The following CEP164 variants were observed in gnomAD, a reference collection of about 807,000 sequenced individuals.
CEP164 encodes the protein centrosomal protein of 164 kDa.
In CEP164, 162 loss-of-function variants were observed where a neutral mutation model predicts 182.7. The ratio of observed to expected loss-of-function variants is 0.89; its 90% CI spans 0.78 to 1.01. The LOEUF is 1.01. Among genes scored for constraint, CEP164 ranks in the 50% least tolerant of loss-of-function variants. The pLI is 0.00. For missense variants in CEP164, 1,735 were observed against 1,790.4 expected, an observed-to-expected ratio of 0.97 and a Z score of 0.56; for synonymous variants, 661 against 690.0, an observed-to-expected ratio of 0.96 and a Z score of 0.66.
intron 1 of CEP164, among the ~76,000 whole-genome samples, chr11:117,330,094 G>A (rs576854917): frequency 5.9e-5 from 9 of 151,814 alleles, no homozygotes; most frequent in Admixed American, 5.3e-4. Flanking sequence ...CCCTTACTCC[G>A]CTTATCCTGG....
At chr11:117,345,311 C>T (rs2038724997) in intron 4 of CEP164, among the ~76,000 whole-genome samples, 1 of 152,156 alleles carries the variant, frequency 6.6e-6, no homozygotes, top group African/African-American at 2.4e-5. Flanking sequence ...CTGAGGACTG[C>T]AGTGCTCCCT....
intron 4 of CEP164, among the ~76,000 whole-genome samples, chr11:117,349,836 A>G (rs1187491788): frequency 6.6e-6 from 1 of 152,138 alleles, no homozygotes; most frequent in African/African-American, 2.4e-5. Flanking sequence ...GGTCAATGAC[A>G]CAATCTCGGC....
chr11:117,342,497 A>G (rs908634180), intron 3 of CEP164, among the ~76,000 whole-genome samples: 1 of 150,092 alleles, frequency 6.7e-6, no homozygotes, highest in African/African-American at 2.5e-5. Context: ...TTTTTTTTGG[A>G]CAGGATTTCA....
chr11:117,338,630 A>G lies in CEP164; in HGVS notation c.44A>G (p.Glu15Gly), dbSNP rs770200962. The change falls in exon 3 of 33, where the codon GAA becomes GGA. Residue 15 changes from glutamate (E) to glycine (G), a missense_variant. Physicochemically the swap from Glu to Gly is moderately conservative, Grantham distance 98. Coordinates refer to ENST00000278935, the MANE Select transcript of CEP164 (RefSeq NM_014956.5). The stretch of plus-strand genomic sequence containing the variant: ...CGCATAGGAGATCAGCTGGTTCTGG[A>G]AGAAGATTATGATGAGACCTACATT... ...PLRIGDQLVL[E>G]EDYDETYIPS... 1 of 1,614,090 alleles carries G rather than the reference A, an allele frequency of 6.2e-7. No homozygotes were observed. The highest frequency in any genetic ancestry group is 1.7e-5 in the Admixed American group (1 of 60,008).
At position 117,394,339 on chromosome 11, in the gene CEP164, C is replaced by G. The variant is rs1272884511; in HGVS notation, c.2617-11C>G. 1 of 1,587,480 alleles carries G rather than the reference C, an allele frequency of 6.3e-7. No homozygotes were observed. The highest frequency in any genetic ancestry group is 1.3e-5 in the African/African-American group (1 of 74,732). On this transcript the variant is annotated splice_polypyrimidine_tract_variant and intron_variant, in intron 20 of 32. Coordinates refer to ENST00000278935, the MANE Select transcript of CEP164 (RefSeq NM_014956.5). This position sits in a 1 kb window ranked among gnomAD's most constrained non-coding sequence, Gnocchi z 4.0. ...CGCAGCTTCCCACCGGTGGGCCCAC[C>G]CTCCTTGCAGGAGAGGAAGCAGCGG...
intron 14 of CEP164, among the ~76,000 whole-genome samples, chr11:117,383,643 A>C (rs1008527852): frequency 2.0e-5 from 3 of 152,040 alleles, no homozygotes; most frequent in African/African-American, 7.3e-5. Flanking sequence ...TTCCATTCTT[A>C]CCCTTCCCCT....
intron 9 of CEP164, among the ~76,000 whole-genome samples, chr11:117,371,669 AAGCTGC>A (rs1332725622): frequency 4.6e-5 from 7 of 152,172 alleles, no homozygotes; most frequent in African/African-American, 1.4e-4. Context: ...ATCCGGAATG[AAGCTGC>A]AGACCTGCTG....
intron 23 of CEP164, 112 bp from the exon 24 acceptor site, chr11:117,395,435 G>C (rs2045308373): frequency 1.6e-6 from 2 of 1,258,248 alleles, no homozygotes; most frequent in Non-Finnish European, 2.2e-6. Flanking sequence ...CAGTGGCTCT[G>C]AATTCATTCC....
At chr11:117,327,472 T>A (rs1326005035), upstream of CEP164, among the ~76,000 whole-genome samples, 2 of 150,612 alleles carry the variant, frequency 1.3e-5, no homozygotes, top group African/African-American at 2.4e-5. Context: ...TTTTTTTTTT[T>A]TTTTTTTTTA....
intron 9 of CEP164, among the ~76,000 whole-genome samples, chr11:117,372,891 C>A (rs2042361896): frequency 6.6e-6 from 1 of 152,198 alleles, no homozygotes; most frequent in African/African-American, 2.4e-5. Flanking sequence ...GAAGACCCTT[C>A]TCGTCCATTT....
intron 27 of CEP164, among the ~76,000 whole-genome samples, chr11:117,403,053 T>A (rs963176752): frequency 6.6e-6 from 1 of 152,262 alleles, no homozygotes; most frequent in Admixed American, 6.5e-5. Flanking sequence ...ATTTTGAGCC[T>A]ATGTGTGTCT....
intron 12 of CEP164, 50 bp from the exon 13 acceptor site, chr11:117,381,651 G>A (rs750547238): frequency 6.4e-6 from 10 of 1,565,810 alleles, no homozygotes; most frequent in African/African-American, 4.1e-5. Context: ...TTCTCTTCCC[G>A]CTCTCCAAAT....
At chr11:117,353,917 C>T (rs1335803586) in intron 5 of CEP164, among the ~76,000 whole-genome samples, 1 of 152,136 alleles carries the variant, frequency 6.6e-6, no homozygotes, top group Non-Finnish European at 1.5e-5. Context: ...GTTTTCAAGT[C>T]TCGGGTCATT....
chr11:117,381,453 G>A (rs2043304957), intron 12 of CEP164, among the ~76,000 whole-genome samples: 1 of 152,118 alleles, frequency 6.6e-6, no homozygotes, highest in South Asian at 2.1e-4. Context: ...CCAAGCAGAG[G>A]CAGTATAGGG....
chr11:117,370,717 C>G (rs1248134636), intron 8 of CEP164, among the ~76,000 whole-genome samples: 1 of 152,068 alleles, frequency 6.6e-6, no homozygotes, highest in African/African-American at 2.4e-5. Flanking sequence ...TTGAGACCAG[C>G]CTGGCCAACA....
Position 117,409,905 on chromosome 11 carries a change from T to A in CEP164, c.4036T>A (p.Ser1346Thr), listed in dbSNP as rs774024619. Residue 1346 changes from serine (S) to threonine (T), a missense_variant, in exon 30 of 33, where the codon TCC becomes ACC. Physicochemically the swap from Ser to Thr is moderately conservative, Grantham distance 58 (BLOSUM62 1). Coordinates refer to ENST00000278935, the MANE Select transcript of CEP164 (RefSeq NM_014956.5). The surrounding 1 kb of genome is among the most constrained non-coding windows in gnomAD (Gnocchi z 4.4). ...TTCAGGGCAGGGGCCCAGGCTCCCC[T>A]CCTCTGTGGCTCAAACGGTGGACGA... ...WDSGQGPRLPSSVAQTVDDFL... is the reference protein window; with the variant it reads ...WDSGQGPRLPTSVAQTVDDFL... 2 of 1,606,762 alleles carry A rather than the reference T, an allele frequency of 1.2e-6. No individual in the cohort carries two copies. The highest frequency in any genetic ancestry group is 3.4e-5 in the Admixed American group (2 of 58,218).
chr11:117,373,416 G>C (rs1232266024), intron 9 of CEP164, among the ~76,000 whole-genome samples: 1 of 151,750 alleles, frequency 6.6e-6, no homozygotes, highest in Non-Finnish European at 1.5e-5. Context: ...TTCTCCTTCT[G>C]TTTTTTAGGA....
intron 5 of CEP164, chr11:117,356,641 C>T: frequency 1.6e-6 from 2 of 1,264,686 alleles, no homozygotes; most frequent in South Asian, 1.3e-5. Flanking sequence ...TGAGCATGGC[C>T]TAAAGGCCTA....
At chr11:117,347,374 A>G (rs1488340514) in intron 4 of CEP164, among the ~76,000 whole-genome samples, 1 of 152,172 alleles carries the variant, frequency 6.6e-6, no homozygotes, top group African/African-American at 2.4e-5. Flanking sequence ...TCAAAGTCAT[A>G]TTCTAGGTCT....
Sources: allele counts gnomAD v4.1 joint callset (sites outside exome capture counted in the v4.1 genomes callset), GRCh38; gene constraint gnomAD v4.1.1; non-coding constraint Gnocchi (gnomAD v3.1); transcripts MANE v1.5; gene names NCBI Gene and HGNC (gene_info 2026-07-23, HGNC 2026-07-21).